The following KIF26B variants were observed in gnomAD, a reference collection of about 807,000 sequenced individuals.
KIF26B encodes the protein kinesin-like protein KIF26B.
KIF26B carries 63 observed loss-of-function variants against 151.2 expected under a neutral mutation model. The observed-to-expected ratio is 0.42, with a 90% confidence interval of 0.34 to 0.51. KIF26B has a LOEUF of 0.51. Ranked by LOEUF, KIF26B falls within the 20% of genes least tolerant of loss-of-function variation. The pLI is 0.07. For synonymous variants in KIF26B, 1,357 were observed against 1,262.1 expected, an observed-to-expected ratio of 1.08 and a Z score of -1.59; for missense variants, 2,813 against 2,913.6, an observed-to-expected ratio of 0.97 and a Z score of 0.79.
At chr1:245,588,875 G>A (rs1423267564) in intron 5 of KIF26B, among the ~76,000 whole-genome samples, 2 of 151,820 alleles carry the variant, frequency 1.3e-5, no homozygotes, top group Non-Finnish European at 2.9e-5. Flanking sequence ...TGGGGTAACT[G>A]TGGGCAGTTA....
intron 4 of KIF26B, among the ~76,000 whole-genome samples, chr1:245,482,801 A>C (rs1445091427): frequency 6.6e-6 from 1 of 151,726 alleles, no homozygotes; most frequent in Non-Finnish European, 1.5e-5. Flanking sequence ...GCGTTCCCTA[A>C]GGAAGATATG....
intron 4 of KIF26B, among the ~76,000 whole-genome samples, chr1:245,498,479 C>T (rs1343963114): frequency 6.6e-6 from 1 of 152,128 alleles, no homozygotes; most frequent in African/African-American, 2.4e-5. Flanking sequence ...TCCACAGCAA[C>T]CAGCAGAAGT....
At chr1:245,671,880 A>G (rs746200630) in intron 10 of KIF26B, among the ~76,000 whole-genome samples, 10 of 152,218 alleles carry the variant, frequency 6.6e-5, no homozygotes, top group Non-Finnish European at 8.8e-5. Context: ...GAAAGCTCAC[A>G]GCGTGTTCAG....
chr1:245,551,305 A>C (rs2103109326), intron 5 of KIF26B, among the ~76,000 whole-genome samples: 1 of 152,336 alleles, frequency 6.6e-6, no homozygotes, highest in Non-Finnish European at 1.5e-5. Context: ...GACCTCCCAA[A>C]GTGTTGGGAT....
intron 4 of KIF26B, among the ~76,000 whole-genome samples, chr1:245,458,661 T>C (rs188239632): frequency 9.6e-4 from 146 of 152,324 alleles, no homozygotes; most frequent in Non-Finnish European, 1.6e-3. Context: ...ATCTTGTACA[T>C]GTACATGTTA....
intron 4 of KIF26B, among the ~76,000 whole-genome samples, chr1:245,429,446 A>G (rs577049799): frequency 6.6e-6 from 1 of 152,186 alleles, no homozygotes. Context: ...GCTGAAGAGC[A>G]ATTCGCCCTT....
intron 3 of KIF26B, 48 bp from the exon 4 acceptor site, chr1:245,419,524 TCAGGAAA>T: frequency 2.0e-6 from 3 of 1,516,376 alleles, no homozygotes; most frequent in Non-Finnish European, 2.7e-6. Context: ...CTGTCAGTGG[TCAGGAAA>T]AGCAGTGAGC....
chr1:245,240,791 A>C (rs1011741264), intron 2 of KIF26B, among the ~76,000 whole-genome samples: 2 of 152,216 alleles, frequency 1.3e-5, no homozygotes, highest in South Asian at 2.1e-4. Flanking sequence ...GGAAGGCTAC[A>C]GGGACCTGCC....
chr1:245,460,970 T>A (rs547534813), intron 4 of KIF26B, among the ~76,000 whole-genome samples: 8 of 152,282 alleles, frequency 5.3e-5, no homozygotes, highest in Non-Finnish European at 1.2e-4. Context: ...GTGAGGCTGA[T>A]GGAGAGCTAG....
chr1:245,332,439 C>CTTT (rs1672132063), intron 2 of KIF26B, among the ~76,000 whole-genome samples: 1 of 152,200 alleles, frequency 6.6e-6, no homozygotes, highest in Admixed American at 6.5e-5. Flanking sequence ...CTGAAATGTT[C>CTTT]TTTCTTTAGC....
intron 3 of KIF26B, among the ~76,000 whole-genome samples, chr1:245,410,054 G>T (rs1028576416): frequency 6.6e-6 from 1 of 152,216 alleles, no homozygotes; most frequent in African/African-American, 2.4e-5. Flanking sequence ...AAGGATGCAA[G>T]TATTACTCAT....
chr1:245,458,967 A>G lies in KIF26B; in HGVS notation c.1166+39222A>G, dbSNP rs148776860. ...TTTGTTGGGGTTATTACTTGCATCAATGTTTGGAACAGTTGGTGATAAAAC... is the reference window on the plus strand; with the variant it reads ...TTTGTTGGGGTTATTACTTGCATCAGTGTTTGGAACAGTTGGTGATAAAAC... On this transcript the variant is annotated intron_variant, in intron 4 of 14. Transcript: ENST00000407071. Among the ~76,000 whole-genome samples, 1,029 of 152,286 alleles carry G rather than the reference A, an allele frequency of 6.8e-3. 14 individuals carry two copies. The highest frequency in any genetic ancestry group is 0.023 in the African/African-American group (975 of 41,556).
intron 5 of KIF26B, among the ~76,000 whole-genome samples, chr1:245,557,395 T>C (rs1662066340): frequency 1.3e-5 from 2 of 152,206 alleles, no homozygotes; most frequent in African/African-American, 4.8e-5. Context: ...GTCCCAGCTC[T>C]CCTCTTTCAA....
chr1:245,291,455 C>T (rs1028475335), intron 2 of KIF26B, among the ~76,000 whole-genome samples: 2 of 152,198 alleles, frequency 1.3e-5, no homozygotes, highest in Non-Finnish European at 2.9e-5. Context: ...CCTTCCCCAT[C>T]TCCTATTCCC....
At chr1:245,604,408 C>T (rs1044313844) in intron 6 of KIF26B, among the ~76,000 whole-genome samples, 11 of 152,150 alleles carry the variant, frequency 7.2e-5, no homozygotes, top group African/African-American at 2.4e-4. Flanking sequence ...GTTGAGCATG[C>T]GGTTTCCCCA....
intron 2 of KIF26B, among the ~76,000 whole-genome samples, chr1:245,337,357 G>C (rs1219057498): frequency 6.6e-6 from 1 of 151,538 alleles, no homozygotes; most frequent in Non-Finnish European, 1.5e-5. Flanking sequence ...TTTTAAGTAG[G>C]GGTGGCGGGG....
At chr1:245,326,200 T>G (rs1671988127) in intron 2 of KIF26B, among the ~76,000 whole-genome samples, 1 of 152,230 alleles carries the variant, frequency 6.6e-6, no homozygotes, top group East Asian at 1.9e-4. Context: ...GTTTTTCAAA[T>G]GTAAACCAAA....
At chr1:245,357,521 A>G (rs889326772) in intron 2 of KIF26B, among the ~76,000 whole-genome samples, 1 of 152,118 alleles carries the variant, frequency 6.6e-6, no homozygotes, top group South Asian at 2.1e-4. Context: ...TTTTAGTGTG[A>G]TACATAATTC....
intron 2 of KIF26B, among the ~76,000 whole-genome samples, chr1:245,338,381 C>T (rs568312407): frequency 6.6e-6 from 1 of 152,258 alleles, no homozygotes; most frequent in East Asian, 1.9e-4. Flanking sequence ...TCCTCCTTCC[C>T]CTCAGCAGAA....
Sources: allele counts gnomAD v4.1 joint callset (sites outside exome capture counted in the v4.1 genomes callset), GRCh38; gene constraint gnomAD v4.1.1; transcripts MANE v1.5; gene names NCBI Gene and HGNC (gene_info 2026-07-23, HGNC 2026-07-21).